ABCA4: variants seen among roughly 807,000 people sequenced by gnomAD.
The protein encoded by ABCA4 is ATP binding cassette subfamily A member 4, also known as retinal-specific phospholipid-transporting ATPase ABCA4.
ABCA4 carries 196 observed loss-of-function variants against 263.7 expected under a neutral mutation model. The ratio of observed to expected loss-of-function variants is 0.74; its 90% confidence interval spans 0.66 to 0.84. The LOEUF (loss-of-function observed/expected upper bound fraction) is 0.84. ABCA4 is among the 40% of genes least tolerant of loss of function. The probability of loss-of-function intolerance (pLI) is 0.00; values close to 1 mark genes in which losing one functional copy is unlikely to be tolerated. For synonymous variants in ABCA4, 1,133 were observed against 1,094.2 expected (o/e 1.04, Z -0.70); for missense variants, 2,792 against 2,855.1 (o/e 0.98, Z 0.50).
At position 93,993,227 on chromosome 1, in the gene ABCA4, G is replaced by A; in HGVS notation, c.*10C>T. 1 of 1,613,904 alleles carries A rather than the reference G, an allele frequency of 6.2e-7. No homozygotes were observed. The highest frequency in any genetic ancestry group is 1.1e-5 in the South Asian group (1 of 91,070). ...TCCTTTCTGGCTGCAGGAACGAGCG[G>A]TGTGAAAGATCAGTCCTGTGGAAGG... On this transcript the variant is annotated 3_prime_UTR_variant, in exon 50 of 50. Coordinates refer to ENST00000370225, the MANE Select transcript of ABCA4 (RefSeq NM_000350.3).
At position 94,111,578 on chromosome 1, in the gene ABCA4, G is replaced by T; in HGVS notation, c.162C>A (p.Cys54Ter). The change falls in exon 3 of 50, where the codon TGC (cysteine) becomes TGA (stop). Residue 54 changes from cysteine to a stop codon, truncating the protein, a stop_gained and splice_region_variant. Coordinates refer to ENST00000370225, the MANE Select transcript of ABCA4 (RefSeq NM_000350.3). LOFTEE classifies it high-confidence loss of function. Reference sequence around the variant, plus strand: ...AGGGCATCGCCTTGTTGGGGAAATGGCCTTTAAAACAGAAAATGAGGACAA... The same window carrying T: ...AGGGCATCGCCTTGTTGGGGAAATGTCCTTTAAAACAGAAAATGAGGACAA... ...NANPLYSHHE[C>*]HFPNKAMPSA... 1 of 1,614,186 alleles carries T rather than the reference G, an allele frequency of 6.2e-7. No homozygotes were observed. The highest frequency in any genetic ancestry group is 8.5e-7 in the Non-Finnish European group (1 of 1,180,030).
In ABCA4 at chr1:94,030,890, T is replaced by C. The variant is rs56253197; in HGVS notation, c.4253+106A>G. ...GCCCAAAGACCCCTCCCCTCTCTCA[T>C]TGGTGAAGGTCCCAGTGAAGTGGGA... is the stretch of plus-strand genomic sequence containing the variant. On this transcript the variant is annotated intron_variant, in intron 28 of 49. Coordinates refer to ENST00000370225, the MANE Select transcript of ABCA4 (RefSeq NM_000350.3). The C allele has an allele frequency of 0.063, 95,218 of 1,518,006 alleles. 4,140 individuals are homozygous for C. The highest frequency in any genetic ancestry group is 0.22 in the African/African-American group (15,755 of 72,642). 94.0% of individuals were successfully genotyped at this position (1,518,006 alleles called of 1,614,324 possible). A position where few individuals can be genotyped will look rare whatever the true frequency, so the allele number is the denominator to read the frequency against.
Position 94,096,512 on chromosome 1 carries a change from G to T in ABCA4, c.768+2282C>A, listed in dbSNP as rs113331860. On this transcript the variant is annotated intron_variant, in intron 6 of 49. Transcript: ENST00000370225. ...GTGCCTGCATACAGAAACCGAGAAA[G>T]CAAGCCCCCAGGACCCGTCTGAGGT... Among the ~76,000 whole-genome samples, 927 of 152,296 alleles carry T rather than the reference G, an allele frequency of 6.1e-3. 6 individuals are homozygous for T. The highest frequency in any genetic ancestry group is 0.022 in the African/African-American group (895 of 41,558).
intron 24 of ABCA4, among the ~76,000 whole-genome samples, 177 bp from the exon 25 acceptor site, chr1:94,037,527 C>T (rs909816845): frequency 6.6e-6 from 1 of 151,920 alleles, no homozygotes; most frequent in African/African-American, 2.4e-5. Flanking sequence ...GCTTAGTTGG[C>T]CCTGAGATCA....
At chr1:94,088,468 G>C (rs1013997080) in intron 6 of ABCA4, among the ~76,000 whole-genome samples, 1 of 152,190 alleles carries the variant, frequency 6.6e-6, no homozygotes, top group African/African-American at 2.4e-5. Flanking sequence ...CCTCTCCCCA[G>C]AGCTTCAGAC....
At chr1:94,008,078 A>G (rs1241549653) in intron 42 of ABCA4, among the ~76,000 whole-genome samples, 157 bp downstream of exon 42, 1 of 152,210 alleles carries the variant, frequency 6.6e-6, no homozygotes, top group East Asian at 1.9e-4. Context: ...TTTTCTTTTT[A>G]CTTTTCTCAT....
Position 94,010,874 on chromosome 1 carries a change from A to T in ABCA4, c.5640T>A (p.Phe1880Leu), listed in dbSNP as rs374811709. Reference sequence around the variant, plus strand: ...ACACCACCCCTTCCACCACCATGGCAAACAGGTTCTTCCCAATCAGGTCCC... The same window carrying T: ...ACACCACCCCTTCCACCACCATGGCTAACAGGTTCTTCCCAATCAGGTCCC... Reference protein sequence around the residue: ...FHWDLIGKNLFAMVVEGVVYF... With the variant: ...FHWDLIGKNLLAMVVEGVVYF... The change falls in exon 40 of 50, where the codon TTT becomes TTA. Residue 1880 changes from phenylalanine to leucine, a missense_variant. By Grantham distance (22) the Phe-to-Leu change is conservative. Transcript: ENST00000370225. 3.2e-4 allele frequency: 516 copies of T among 1,614,160 alleles called. 2 individuals carry two copies. In the South Asian group the frequency reaches 5.4e-3, roughly 17 times the overall value.
At chr1:94,010,709 G>T in intron 40 of ABCA4, 91 bp downstream of exon 40, 1 of 1,573,226 alleles carries the variant, frequency 6.4e-7, no homozygotes, top group Non-Finnish European at 8.7e-7. Context: ...GTGGAGTGGG[G>T]CTCCTGAGGA....
At chr1:94,116,388 A>T (rs1662761247) in intron 1 of ABCA4, among the ~76,000 whole-genome samples, 1 of 152,072 alleles carries the variant, frequency 6.6e-6, no homozygotes, top group African/African-American at 2.4e-5. Context: ...CTACATCAGA[A>T]TCTTGGGGCA....
chr1:94,103,008 C>T lies in ABCA4; in HGVS notation c.570+7G>A, dbSNP rs367976871. The stretch of plus-strand genomic sequence containing the variant: ...CCAGGGACCACTGGCCAGTGACATC[C>T]CCCTACCTGCTCTGGACGGACTTGA... On this transcript the variant is annotated splice_region_variant and intron_variant, in intron 5 of 49. Coordinates refer to ENST00000370225, the MANE Select transcript of ABCA4 (RefSeq NM_000350.3). The T allele has an allele frequency of 2.0e-5, 32 of 1,614,050 alleles. No homozygotes were observed. Among genetic ancestry groups the T allele is most frequent in the Non-Finnish European group, 2.7e-5 (32 of 1,180,030 alleles).
chr1:94,043,042 T>C (rs1660562946), intron 21 of ABCA4, 144 bp from the exon 22 acceptor site: 1 of 1,274,226 alleles, frequency 7.8e-7, no homozygotes, highest in African/African-American at 1.5e-5. Context: ...TTCAAAGCCC[T>C]AATACTGTTC....
At chr1:94,019,954 C>T (rs74102073) in intron 35 of ABCA4, among the ~76,000 whole-genome samples, 195 bp from the exon 36 acceptor site, 107 of 152,244 alleles carry the variant, frequency 7.0e-4, no homozygotes, top group African/African-American at 2.5e-3. Context: ...TGGGTATTTG[C>T]GGGTTGCCTT....
At position 93,993,019 on chromosome 1, in the gene ABCA4, G is replaced by C. The variant is rs1658910842; in HGVS notation, c.*218C>G. 1.6e-6 allele frequency: 1 copy of C among 609,668 alleles called. No homozygotes were observed. The highest frequency in any genetic ancestry group is 2.9e-6 in the Non-Finnish European group (1 of 348,838). The allele number at this position is 609,668 out of a possible 1,614,324, so 37.8% of individuals were successfully genotyped here. ...TGGAGAAGGATTTTGTATTTGTTTG[G>C]TTTCACCATCAGGTGTTCCAGGTGA... On this transcript the variant is annotated 3_prime_UTR_variant, in exon 50 of 50. Transcript: ENST00000370225.
intron 6 of ABCA4, among the ~76,000 whole-genome samples, chr1:94,093,242 G>A (rs779521991): frequency 3.3e-5 from 5 of 152,204 alleles, no homozygotes; most frequent in Non-Finnish European, 5.9e-5. Context: ...TTAGTGGTAG[G>A]TAGAAAAACA....
Position 94,002,097 on chromosome 1 carries a change from TC to T in ABCA4, c.6148-106del, listed in dbSNP as rs1308825726. ...CAGATCTCACGCCTCCAGAATGAAA[TC>T]CCCAGCTAGGCTGAAACAGGCTCCT... On this transcript the variant is annotated intron_variant, in intron 44 of 49. Coordinates refer to ENST00000370225, the MANE Select transcript of ABCA4 (RefSeq NM_000350.3). 4.5e-6 allele frequency: 7 copies of T among 1,556,896 alleles called. No individual in the cohort carries two copies. The Admixed American group carries it at 8.5e-5, about 19-fold the overall frequency.
At chr1:94,120,886 T>TCCC in intron 1 of ABCA4, 94 bp downstream of exon 1, 2 of 155,290 alleles carry the variant, frequency 1.3e-5, no homozygotes, top group Non-Finnish European at 2.5e-5. Context: ...CCCCCCACCC[T>TCCC]GCCCCACCAC....
At chr1:94,044,005 T>G (rs1660595377) in intron 20 of ABCA4, among the ~76,000 whole-genome samples, 1 of 151,702 alleles carries the variant, frequency 6.6e-6, no homozygotes, top group African/African-American at 2.4e-5. Context: ...CTTTCCTTCC[T>G]CCTTCCCCTT....
Position 94,044,285 on chromosome 1 carries a change from T to C in ABCA4, c.3050+328A>G, listed in dbSNP as rs60221131. Reference sequence around the variant, plus strand: ...TTCAACAGGAAAAAGGAACAATGGTTCTCCTGTCTTTGGTCCCAGAGAGGA... The same window carrying C: ...TTCAACAGGAAAAAGGAACAATGGTCCTCCTGTCTTTGGTCCCAGAGAGGA... On this transcript the variant is annotated intron_variant, in intron 20 of 49. Transcript: ENST00000370225. 0.029 allele frequency among the ~76,000 whole-genome samples: 4,482 copies of C among 152,262 alleles called. 187 individuals are homozygous for C. Among genetic ancestry groups the C allele is most frequent in the African/African-American group, 0.089 (3,682 of 41,532 alleles).
chr1:94,110,907 G>T (rs1570432611), intron 3 of ABCA4, among the ~76,000 whole-genome samples: 1 of 152,146 alleles, frequency 6.6e-6, no homozygotes, highest in African/African-American at 2.4e-5. Context: ...CACTCCAGGG[G>T]GCCGATGGCA....
Sources: allele counts gnomAD v4.1 joint callset (sites outside exome capture counted in the v4.1 genomes callset), GRCh38; gene constraint gnomAD v4.1.1; transcripts MANE v1.5; gene names NCBI Gene and HGNC (gene_info 2026-07-23, HGNC 2026-07-21).